The following TRIO variants were observed in gnomAD, a reference collection of about 807,000 sequenced individuals.
TRIO encodes triple functional domain protein.
TRIO carries 58 observed loss-of-function variants against 351.9 expected under a neutral mutation model. That is an observed-to-expected ratio of 0.16 (90% CI 0.13 to 0.21). TRIO has a LOEUF of 0.21. Ranked by LOEUF, TRIO falls within the 10% of genes least tolerant of loss-of-function variation. The probability of loss-of-function intolerance (pLI) is 1.00; values close to 1 mark genes in which losing one functional copy is unlikely to be tolerated. For missense variants in TRIO, 3,201 were observed against 4,027.8 expected (o/e 0.79, Z 5.56); for synonymous variants, 1,758 against 1,595.7 (o/e 1.10, Z -2.42).
At chr5:14,177,143 C>T (rs1454055773) in intron 1 of TRIO, among the ~76,000 whole-genome samples, 3 of 152,156 alleles carry the variant, frequency 2.0e-5, no homozygotes, top group Admixed American at 6.5e-5. Flanking sequence ...TACAGTTATG[C>T]CCCAGGAGGG....
At chr5:14,262,954 AC>A (rs1299531600) in intron 1 of TRIO, among the ~76,000 whole-genome samples, 1 of 151,446 alleles carries the variant, frequency 6.6e-6, no homozygotes, top group Admixed American at 6.6e-5. Context: ...ATAATAGCCC[AC>A]CCCACCCCTG....
At chr5:14,170,658 C>T (rs1370098911) in intron 1 of TRIO, among the ~76,000 whole-genome samples, 5 of 152,098 alleles carry the variant, frequency 3.3e-5, no homozygotes, top group African/African-American at 1.2e-4. Flanking sequence ...AGGCGTGCTC[C>T]ACCATGCCTG....
intron 33 of TRIO, among the ~76,000 whole-genome samples, chr5:14,406,962 C>T (rs1004068629): frequency 1.3e-5 from 2 of 152,098 alleles, no homozygotes; most frequent in African/African-American, 2.4e-5. Flanking sequence ...ACTTTTTAAT[C>T]TTATTCCTAA....
intron 11 of TRIO, among the ~76,000 whole-genome samples, chr5:14,352,338 T>C (rs527955133): frequency 3.9e-5 from 6 of 152,378 alleles, no homozygotes; most frequent in Admixed American, 1.3e-4. Flanking sequence ...GAATCCAGAC[T>C]GCTGTGAACT....
At chr5:14,190,426 C>G (rs1027895961) in intron 1 of TRIO, among the ~76,000 whole-genome samples, 2 of 152,082 alleles carry the variant, frequency 1.3e-5, no homozygotes, top group Non-Finnish European at 2.9e-5. Flanking sequence ...TTGGTGAACC[C>G]CTTTGTGCAT....
chr5:14,220,523 G>A (rs1448367072), intron 1 of TRIO, among the ~76,000 whole-genome samples: 1 of 152,206 alleles, frequency 6.6e-6, no homozygotes. Flanking sequence ...CATGTTGAAA[G>A]CTGAGACAGG....
At chr5:14,261,657 C>T (rs1275007475) in intron 1 of TRIO, among the ~76,000 whole-genome samples, 1 of 152,158 alleles carries the variant, frequency 6.6e-6, no homozygotes, top group Non-Finnish European at 1.5e-5. Flanking sequence ...CTCTGTGTTT[C>T]CTGCTTAGAC....
chr5:14,155,704 T>C (rs1788063177), intron 1 of TRIO, among the ~76,000 whole-genome samples: 1 of 152,242 alleles, frequency 6.6e-6, no homozygotes, highest in Admixed American at 6.5e-5. Flanking sequence ...GCATCCTTTT[T>C]GGAGCATCGT....
At chr5:14,177,693 C>T (rs1789491849) in intron 1 of TRIO, among the ~76,000 whole-genome samples, 1 of 152,228 alleles carries the variant, frequency 6.6e-6, no homozygotes, top group South Asian at 2.1e-4. Flanking sequence ...AACCACTCCT[C>T]CTGTCTCCTG....
At chr5:14,279,384 CTAAT>C (rs532839347) in intron 2 of TRIO, among the ~76,000 whole-genome samples, 45 of 151,994 alleles carry the variant, frequency 3.0e-4, no homozygotes, top group South Asian at 1.9e-3. Context: ...TGCTTTCTTT[CTAAT>C]TTTAGATGAT....
chr5:14,249,870 TG>T (rs1794640093), intron 1 of TRIO, among the ~76,000 whole-genome samples: 1 of 152,186 alleles, frequency 6.6e-6, no homozygotes, highest in Non-Finnish European at 1.5e-5. Flanking sequence ...ACCCTCAGAA[TG>T]GAAAGCTGTG....
chr5:14,382,566 C>T (rs30786), intron 21 of TRIO, among the ~76,000 whole-genome samples: 42,079 of 152,104 alleles, frequency 0.28, 5,994 homozygotes, highest in Middle Eastern at 0.37. Flanking sequence ...GACCAGGGGA[C>T]AGTAGCTGCC....
At chr5:14,402,680 G>T (rs1415929076) in intron 31 of TRIO, among the ~76,000 whole-genome samples, 2 of 151,864 alleles carry the variant, frequency 1.3e-5, no homozygotes, top group African/African-American at 4.8e-5. Context: ...GAAGGTAGTG[G>T]TATAGATTTG....
chr5:14,277,191 CAGAT>C (rs1418289659), intron 2 of TRIO, among the ~76,000 whole-genome samples: 1 of 152,064 alleles, frequency 6.6e-6, no homozygotes, highest in Non-Finnish European at 1.5e-5. Context: ...GTGGAGGAGA[CAGAT>C]AGACAAAAAG....
intron 8 of TRIO, among the ~76,000 whole-genome samples, chr5:14,313,142 C>T (rs1561326388): frequency 6.6e-6 from 1 of 152,198 alleles, no homozygotes; most frequent in South Asian, 2.1e-4. Flanking sequence ...GGTGTTATCT[C>T]GCCCAGGGTC....
At chr5:14,491,442 A>C (rs1756475806) in intron 48 of TRIO, among the ~76,000 whole-genome samples, 1 of 152,198 alleles carries the variant, frequency 6.6e-6, no homozygotes, top group Non-Finnish European at 1.5e-5. Context: ...GTTCACGGGA[A>C]CGAGGCACCA....
At chr5:14,374,063 A>AT (rs916810320) in intron 18 of TRIO, among the ~76,000 whole-genome samples, 166 bp from the exon 19 acceptor site, 35 of 151,878 alleles carry the variant, frequency 2.3e-4, no homozygotes, top group African/African-American at 6.8e-4. Context: ...GGAGAGAGAG[A>AT]TTTTTTTTTA....
At chr5:14,469,335 A>C (rs1474770025) in intron 37 of TRIO, among the ~76,000 whole-genome samples, 1 of 152,224 alleles carries the variant, frequency 6.6e-6, no homozygotes, top group East Asian at 1.9e-4. Flanking sequence ...AGAGGAAAAA[A>C]CTGAGGAAAT....
chr5:14,500,888 CAAAAAA>C (rs34729667), intron 53 of TRIO, among the ~76,000 whole-genome samples: 1 of 63,570 alleles, frequency 1.6e-5, no homozygotes, highest in African/African-American at 6.4e-5. Context: ...GACTCTGCCT[CAAAAAA>C]AAAAAAAAAA....
Sources: allele counts gnomAD v4.1 joint callset (sites outside exome capture counted in the v4.1 genomes callset), GRCh38; gene constraint gnomAD v4.1.1; transcripts MANE v1.5; gene names NCBI Gene and HGNC (gene_info 2026-07-23, HGNC 2026-07-21).